The following DAPP1 variants were observed in gnomAD, a reference collection of about 807,000 sequenced individuals.
The protein encoded by DAPP1 is dual adaptor of phosphotyrosine and 3-phosphoinositides 1, also known as dual adapter for phosphotyrosine and 3-phosphotyrosine and 3-phosphoinositide.
DAPP1 carries 20 observed loss-of-function variants against 41.5 expected under a neutral mutation model. The observed-to-expected ratio is 0.48, with a 90% CI of 0.34 to 0.70. DAPP1 has a LOEUF of 0.70. Ranked by LOEUF, DAPP1 falls within the 30% of genes least tolerant of loss-of-function variation. The pLI is 0.01. For synonymous variants in DAPP1, 113 were observed against 116.2 expected, an observed-to-expected ratio of 0.97 and a Z score of 0.18; for missense variants, 233 against 333.4, an observed-to-expected ratio of 0.70 and a Z score of 2.35.
intron 2 of DAPP1, among the ~76,000 whole-genome samples, chr4:99,838,296 A>G (rs1279431419): frequency 3.3e-5 from 5 of 152,220 alleles, no homozygotes; most frequent in Non-Finnish European, 7.3e-5. Context: ...CTTATTAAAA[A>G]AATGACCAGC....
downstream of DAPP1, among the ~76,000 whole-genome samples, chr4:99,871,570 T>C (rs1456848404): frequency 6.6e-6 from 1 of 152,240 alleles, no homozygotes; most frequent in Non-Finnish European, 1.5e-5. Context: ...TGTAAGTTTT[T>C]CAACACTTAA....
At chr4:99,833,939 C>T (rs1723207483) in intron 1 of DAPP1, among the ~76,000 whole-genome samples, 1 of 152,174 alleles carries the variant, frequency 6.6e-6, no homozygotes, top group Admixed American at 6.5e-5. Flanking sequence ...GGACTCACAA[C>T]TGGCCTATGC....
chr4:99,828,911 G>A (rs933245239), intron 1 of DAPP1, among the ~76,000 whole-genome samples: 1 of 152,096 alleles, frequency 6.6e-6, no homozygotes, highest in African/African-American at 2.4e-5. Flanking sequence ...TGTGGGCCTT[G>A]GGGAAAATGG....
At chr4:99,847,412 C>T (rs940911512) in intron 3 of DAPP1, among the ~76,000 whole-genome samples, 4 of 138,488 alleles carry the variant, frequency 2.9e-5, no homozygotes. Flanking sequence ...GTAACTCTTA[C>T]ACATAACTGT....
chr4:99,834,191 TA>T (rs1480933445), intron 1 of DAPP1, among the ~76,000 whole-genome samples: 2 of 152,058 alleles, frequency 1.3e-5, no homozygotes, highest in Non-Finnish European at 1.5e-5. Context: ...GCCTAGAAAA[TA>T]AAAATAATAA....
chr4:99,818,944 C>T (rs1578337682), intron 1 of DAPP1, among the ~76,000 whole-genome samples: 1 of 152,152 alleles, frequency 6.6e-6, no homozygotes, highest in East Asian at 1.9e-4. Context: ...AAAGTGAGAC[C>T]CTAGGTTGAT....
chr4:99,844,574 A>G (rs1723602799), intron 3 of DAPP1: 1 of 152,226 alleles, frequency 6.6e-6, no homozygotes, highest in African/African-American at 2.4e-5. Context: ...AATTACTTTT[A>G]CCATTACCTT....
intron 4 of DAPP1, 105 bp from the exon 5 acceptor site, chr4:99,861,473 A>T: frequency 1.6e-6 from 2 of 1,221,756 alleles, no homozygotes; most frequent in Non-Finnish European, 2.3e-6. Flanking sequence ...ACAGTAATTT[A>T]AAGATCAAAA....
At chr4:99,856,293 G>A (rs970470649) in intron 4 of DAPP1, among the ~76,000 whole-genome samples, 3 of 152,160 alleles carry the variant, frequency 2.0e-5, no homozygotes, top group Non-Finnish European at 4.4e-5. Context: ...GGGAGAAGAG[G>A]GAAGCAAGGG....
chr4:99,838,633 T>C (rs1270235635), intron 2 of DAPP1, among the ~76,000 whole-genome samples: 1 of 152,150 alleles, frequency 6.6e-6, no homozygotes, highest in African/African-American at 2.4e-5. Context: ...CCATCACTGA[T>C]CTGACAGGAG....
At chr4:99,849,507 G>A (rs1008842526) in intron 3 of DAPP1, among the ~76,000 whole-genome samples, 5 of 152,210 alleles carry the variant, frequency 3.3e-5, no homozygotes, top group African/African-American at 4.8e-5. Context: ...TGCACACGTT[G>A]GAAAGGCAGT....
intron 3 of DAPP1, 31 bp from the exon 4 acceptor site, chr4:99,853,187 G>A (rs1437404749): frequency 6.2e-7 from 1 of 1,612,128 alleles, no homozygotes; most frequent in Non-Finnish European, 8.5e-7. Flanking sequence ...TGGGAACACT[G>A]TTCGATTATA....
At chr4:99,823,953 A>G (rs62305031) in intron 1 of DAPP1, among the ~76,000 whole-genome samples, 9,082 of 152,326 alleles carry the variant, frequency 0.06, 384 homozygotes, top group Middle Eastern at 0.15. Flanking sequence ...TCAAAATGGT[A>G]TCAAAGAAAT....
rs549155075 is a variant in DAPP1 at position 99,869,621 on chromosome 4, G to A, written c.*1436G>A. The A allele has an allele frequency of 1.1e-4, 16 of 152,208 alleles. No homozygotes were observed. The Middle Eastern group carries it at 0.014, about 129-fold the overall frequency. 9.4% of individuals were successfully genotyped at this position (152,208 alleles called of 1,614,324 possible). A position where few individuals can be genotyped will look rare whatever the true frequency, so the allele number is the denominator to read the frequency against. The stretch of plus-strand genomic sequence containing the variant: ...AGCAAATGTCAAGTTAAAATGTATT[G>A]TGTTGTTTGTAAAGTAAGAAGTTAC... On this transcript the variant is annotated 3_prime_UTR_variant, in exon 9 of 9. Coordinates refer to ENST00000512369, the MANE Select transcript of DAPP1 (RefSeq NM_014395.3).
intron 5 of DAPP1, 69 bp downstream of exon 5, chr4:99,861,694 C>A: frequency 6.7e-7 from 1 of 1,493,806 alleles, no homozygotes; most frequent in South Asian, 1.2e-5. Context: ...ACTCAATTCT[C>A]ATCTTGATAG....
At chr4:99,846,170 C>A (rs1463693620) in intron 3 of DAPP1, among the ~76,000 whole-genome samples, 1 of 152,130 alleles carries the variant, frequency 6.6e-6, no homozygotes. Context: ...CTCAAGCTGC[C>A]TCCTAAAGAA....
intron 2 of DAPP1, 63 bp from the exon 3 acceptor site, chr4:99,840,226 T>C: frequency 8.4e-7 from 1 of 1,183,904 alleles, no homozygotes; most frequent in Non-Finnish European, 1.2e-6. Flanking sequence ...TCTGAGATCA[T>C]ATTTCCCTTC....
intron 3 of DAPP1, among the ~76,000 whole-genome samples, chr4:99,851,538 T>TG (rs1259973119): frequency 3.0e-5 from 4 of 132,276 alleles, no homozygotes; most frequent in Non-Finnish European, 6.5e-5. Context: ...TGTGTAGTTT[T>TG]TTTTTTTTTT....
At chr4:99,851,027 G>A (rs1373937708) in intron 3 of DAPP1, among the ~76,000 whole-genome samples, 1 of 152,198 alleles carries the variant, frequency 6.6e-6, no homozygotes, top group African/African-American at 2.4e-5. Flanking sequence ...AGGGTCCAGA[G>A]TGACTATGAA....
Sources: allele counts gnomAD v4.1 joint callset (sites outside exome capture counted in the v4.1 genomes callset), GRCh38; gene constraint gnomAD v4.1.1; transcripts MANE v1.5; gene names NCBI Gene and HGNC (gene_info 2026-07-23, HGNC 2026-07-21).